Variants in ATE1 observed in about 807,000 individuals in gnomAD.
ATE1 encodes arginyl-tRNA--protein transferase 1.
A neutral mutation model predicts 70.5 loss-of-function variants in ATE1; 36 were observed. The ratio of observed to expected loss-of-function variants is 0.51; its 90% CI spans 0.39 to 0.67. The LOEUF (loss-of-function observed/expected upper bound fraction) is 0.67. Among genes scored for constraint, ATE1 ranks in the 30% least tolerant of loss-of-function variants. The probability of loss-of-function intolerance (pLI) is 0.00; values close to 1 mark genes in which losing one functional copy is unlikely to be tolerated. For missense variants in ATE1, 593 were observed against 629.5 expected, an observed-to-expected ratio of 0.94 and a Z score of 0.62; for synonymous variants, 232 against 219.3, an observed-to-expected ratio of 1.06 and a Z score of -0.51.
At chr10:121,870,089 A>G in intron 7 of ATE1, 51 bp from the exon 8 acceptor site, 1 of 1,550,590 alleles carries the variant, frequency 6.4e-7, no homozygotes, top group Non-Finnish European at 8.9e-7. Context: ...CAGACGGCAA[A>G]AAGGAACACA....
chr10:121,913,995 G>A (rs1345149272), intron 3 of ATE1, 102 bp from the exon 4 acceptor site: 6 of 816,452 alleles, frequency 7.3e-6, no homozygotes, highest in African/African-American at 3.5e-5. Flanking sequence ...TCATGCCTGA[G>A]ATTTCTGGTT....
intron 11 of ATE1, among the ~76,000 whole-genome samples, chr10:121,770,133 A>T (rs1486207806): frequency 1.3e-5 from 2 of 152,100 alleles, no homozygotes; most frequent in East Asian, 3.9e-4. Context: ...TAAATGGCTA[A>T]ACGAAGTATA....
At chr10:121,832,699 T>A (rs1014297281) in intron 10 of ATE1, among the ~76,000 whole-genome samples, 1 of 152,350 alleles carries the variant, frequency 6.6e-6, no homozygotes, top group African/African-American at 2.4e-5. Flanking sequence ...TGTGGAGTTG[T>A]AAGTCCAATT....
At position 121,746,773 on chromosome 10, in the gene ATE1, T is replaced by C. The variant is rs143172887; in HGVS notation, c.1379-2915A>G. 6.7e-4 allele frequency among the ~76,000 whole-genome samples: 102 copies of C among 151,564 alleles called. 1 individual carries two copies. Among genetic ancestry groups the C allele is most frequent in the African/African-American group, 2.4e-3 (100 of 41,324 alleles). Reference sequence around the variant, plus strand: ...TAATTGTAGCAAAAAAAAAAAAAAGTTTATTCTTCCTCAACAGTCGTTGCT... The same window carrying C: ...TAATTGTAGCAAAAAAAAAAAAAAGCTTATTCTTCCTCAACAGTCGTTGCT... On this transcript the variant is annotated intron_variant, in intron 11 of 11. Coordinates refer to ENST00000224652, the MANE Select transcript of ATE1 (RefSeq NM_001001976.3).
chr10:121,828,842 T>C (rs1417931283), intron 10 of ATE1, among the ~76,000 whole-genome samples: 1 of 152,240 alleles, frequency 6.6e-6, no homozygotes, highest in Admixed American at 6.5e-5. Context: ...TGAGCTCTTT[T>C]GTGTTATTTC....
At chr10:121,836,884 A>G (rs1948453710) in intron 9 of ATE1, 67 bp from the exon 10 acceptor site, 5 of 967,260 alleles carry the variant, frequency 5.2e-6, no homozygotes, top group Non-Finnish European at 8.0e-6. Context: ...ATATCTGTGT[A>G]ATTTGATGGT....
chr10:121,902,202 G>A (rs901493452), intron 6 of ATE1, among the ~76,000 whole-genome samples, 189 bp downstream of exon 6: 3 of 152,108 alleles, frequency 2.0e-5, no homozygotes, highest in Non-Finnish European at 4.4e-5. Flanking sequence ...AAAAAAAGGA[G>A]TTTCCCTCAA....
At chr10:121,767,624 C>T (rs530996768) in intron 11 of ATE1, among the ~76,000 whole-genome samples, 15 of 152,154 alleles carry the variant, frequency 9.9e-5, no homozygotes, top group Admixed American at 3.3e-4. Flanking sequence ...TAAGTTTCTT[C>T]GCCAAAGAAG....
intron 11 of ATE1, among the ~76,000 whole-genome samples, chr10:121,761,011 G>A (rs1242716772): frequency 6.6e-6 from 1 of 152,176 alleles, no homozygotes; most frequent in Non-Finnish European, 1.5e-5. Flanking sequence ...TAATGACCTG[G>A]AGCAGGGGAG....
At chr10:121,876,635 T>A (rs59821964) in intron 7 of ATE1, among the ~76,000 whole-genome samples, 5,011 of 152,280 alleles carry the variant, frequency 0.033, 150 homozygotes, top group African/African-American at 0.082. Context: ...CAATTCTATA[T>A]CTTAAAGAGC....
chr10:121,924,172 A>G, intron 2 of ATE1, 94 bp downstream of exon 2: 1 of 1,228,790 alleles, frequency 8.1e-7, no homozygotes, highest in Middle Eastern at 1.9e-4. Context: ...TTTTTCTTAA[A>G]CCTCTTTCCA....
At chr10:121,906,851 G>C (rs1951216183) in intron 5 of ATE1, among the ~76,000 whole-genome samples, 1 of 152,036 alleles carries the variant, frequency 6.6e-6, no homozygotes, top group Non-Finnish European at 1.5e-5. Flanking sequence ...CGCCTGTCTC[G>C]GCCTCCCAAA....
At position 121,916,792 on chromosome 10, in the gene ATE1, G is replaced by A. The variant is rs561986092; in HGVS notation, c.234-2899C>T. 1.6e-4 allele frequency among the ~76,000 whole-genome samples: 24 copies of A among 151,058 alleles called. 1 individual carries two copies. The highest frequency in any genetic ancestry group is 3.4e-4 in the African/African-American group (14 of 41,164). On this transcript the variant is annotated intron_variant, in intron 3 of 11. Coordinates refer to ENST00000224652, the MANE Select transcript of ATE1 (RefSeq NM_001001976.3). ...AGAGGGAGCAGTGAGCCAAGATCGC[G>A]CCACTGCACTCCAGCCTGGGCAACA... is the stretch of plus-strand genomic sequence containing the variant.
intron 10 of ATE1, among the ~76,000 whole-genome samples, chr10:121,797,712 C>T (rs1946715959): frequency 6.6e-6 from 1 of 152,140 alleles, no homozygotes; most frequent in Admixed American, 6.5e-5. Flanking sequence ...ACCTTCGCCA[C>T]ACTGGCTTCC....
intron 7 of ATE1, among the ~76,000 whole-genome samples, chr10:121,877,713 T>C (rs1950099138): frequency 6.6e-6 from 1 of 152,166 alleles, no homozygotes; most frequent in African/African-American, 2.4e-5. Context: ...AATACAATAC[T>C]ACTATCCACT....
chr10:121,928,159 C>G (rs2134689892), upstream of ATE1: 1 of 1,278,106 alleles, frequency 7.8e-7, no homozygotes, highest in East Asian at 3.2e-5. Context: ...TATTTCCGTT[C>G]CTTCTCCATA....
intron 8 of ATE1, among the ~76,000 whole-genome samples, chr10:121,866,573 C>T (rs1378137113): frequency 6.6e-6 from 1 of 151,994 alleles, no homozygotes; most frequent in Middle Eastern, 3.2e-3. Context: ...TGTGGCCGGG[C>T]GCAGTGGCTC....
chr10:121,925,719 A>C (rs1478251466), intron 1 of ATE1, among the ~76,000 whole-genome samples: 1 of 151,634 alleles, frequency 6.6e-6, no homozygotes, highest in Non-Finnish European at 1.5e-5. Context: ...ACAAAAAAAA[A>C]ATAATAATCA....
At chr10:121,853,356 T>C (rs4752609) in intron 8 of ATE1, among the ~76,000 whole-genome samples, 126,545 of 139,658 alleles carry the variant, frequency 0.91, 57,462 homozygotes, top group Middle Eastern at 0.96. Flanking sequence ...AGTTAGACTC[T>C]GTCTCAAAAA....
Sources: allele counts gnomAD v4.1 joint callset (sites outside exome capture counted in the v4.1 genomes callset), GRCh38; gene constraint gnomAD v4.1.1; transcripts MANE v1.5; gene names NCBI Gene and HGNC (gene_info 2026-07-23, HGNC 2026-07-21).